SPEF2: variants seen among roughly 807,000 people sequenced by gnomAD.
The protein encoded by SPEF2 is sperm flagellar and cilia associated 2.
In SPEF2, 187 loss-of-function variants were observed where a neutral mutation model predicts 224.6. That is an observed-to-expected ratio of 0.83 (90% confidence interval 0.74 to 0.94). SPEF2 has a LOEUF of 0.94. Among genes scored for constraint, SPEF2 ranks in the 40% least tolerant of loss-of-function variants. The pLI is 0.00. For missense variants in SPEF2, 2,170 were observed against 2,135.6 expected, an observed-to-expected ratio of 1.02 and a Z score of -0.32; for synonymous variants, 715 against 707.3, an observed-to-expected ratio of 1.01 and a Z score of -0.17.
At chr5:35,771,518 G>A (rs1752854643) in intron 26 of SPEF2, 91 bp from the exon 27 acceptor site, 2 of 1,478,608 alleles carry the variant, frequency 1.4e-6, no homozygotes, top group African/African-American at 2.8e-5. Flanking sequence ...GTGGATTAAG[G>A]TTTCAACAGA....
intron 2 of SPEF2, among the ~76,000 whole-genome samples, chr5:35,633,573 C>T (rs1226392894): frequency 2.0e-5 from 3 of 151,826 alleles, no homozygotes; most frequent in Non-Finnish European, 4.4e-5. Flanking sequence ...ATTGTATATT[C>T]TGTCAATTCC....
intron 4 of SPEF2, among the ~76,000 whole-genome samples, chr5:35,644,854 C>CA (rs1196812529): frequency 6.6e-6 from 1 of 152,284 alleles, no homozygotes; most frequent in African/African-American, 2.4e-5. Context: ...CCCCATTGGT[C>CA]AAAGGCACAT....
rs748316372 is a variant in SPEF2, at chr5:35,740,286, A to G, written c.3330+19A>G. Reference sequence around the variant, plus strand: ...AGTGAATGTAAGGAAATAGTGACCTATTGGGACAGGGTTAGCTGGCTTTCA... The same window carrying G: ...AGTGAATGTAAGGAAATAGTGACCTGTTGGGACAGGGTTAGCTGGCTTTCA... On this transcript the variant is annotated intron_variant, in intron 23 of 36. Transcript: ENST00000356031. 9.9e-6 allele frequency: 16 copies of G among 1,613,432 alleles called. No homozygotes were observed. The South Asian group carries it at 1.8e-4, about 18-fold the overall frequency.
chr5:35,676,299 A>G (rs1479873881), intron 10 of SPEF2, among the ~76,000 whole-genome samples: 3 of 150,692 alleles, frequency 2.0e-5, no homozygotes, highest in Non-Finnish European at 4.4e-5. Context: ...GCTTTCTACT[A>G]CTGAGTTTTG....
intron 30 of SPEF2, chr5:35,790,404 C>A: frequency 2.1e-6 from 1 of 482,556 alleles, no homozygotes; most frequent in South Asian, 4.3e-5. Context: ...TGTTGCTTAG[C>A]AATGTAGCTC....
chr5:35,643,431 G>A (rs1746880144), intron 3 of SPEF2: 1 of 453,848 alleles, frequency 2.2e-6, no homozygotes, highest in African/African-American at 2.0e-5. Flanking sequence ...TTCAAGAAAT[G>A]TGGAGGTAAA....
chr5:35,789,224 GC>G, intron 30 of SPEF2: 1 of 702,992 alleles, frequency 1.4e-6, no homozygotes, highest in Non-Finnish European at 2.6e-6. Flanking sequence ...CCTTCTCCAA[GC>G]TGACATTGTT....
intron 20 of SPEF2, among the ~76,000 whole-genome samples, chr5:35,727,275 C>A (rs1037414144): frequency 6.6e-6 from 1 of 152,128 alleles, no homozygotes; most frequent in Non-Finnish European, 1.5e-5. Flanking sequence ...CAAGGGATAC[C>A]AAGAGCACCA....
intron 15 of SPEF2, 53 bp from the exon 16 acceptor site, chr5:35,700,443 C>A: frequency 6.6e-7 from 1 of 1,503,974 alleles, no homozygotes. Context: ...CATAGTATTT[C>A]CAAAGTACTT....
chr5:35,712,157 C>T (rs902972144), intron 19 of SPEF2, among the ~76,000 whole-genome samples: 1 of 152,048 alleles, frequency 6.6e-6, no homozygotes, highest in African/African-American at 2.4e-5. Context: ...AAGAGTGTGA[C>T]CAAGAGAAGT....
intron 26 of SPEF2, among the ~76,000 whole-genome samples, chr5:35,769,479 C>T (rs1752503751): frequency 6.6e-6 from 1 of 152,044 alleles, no homozygotes; most frequent in Admixed American, 6.6e-5. Flanking sequence ...CTGTATTCCT[C>T]CAAGATTCTA....
At chr5:35,755,426 T>A (rs911296212) in intron 24 of SPEF2, among the ~76,000 whole-genome samples, 1 of 152,172 alleles carries the variant, frequency 6.6e-6, no homozygotes, top group Non-Finnish European at 1.5e-5. Context: ...AATACATACC[T>A]CCTTTGGAAA....
At chr5:35,765,976 T>C (rs1752036357) in intron 26 of SPEF2, among the ~76,000 whole-genome samples, 1 of 152,110 alleles carries the variant, frequency 6.6e-6, no homozygotes, top group Non-Finnish European at 1.5e-5. Context: ...CTGGAGTAAG[T>C]CCAACATTTT....
chr5:35,795,946 C>T (rs900611111), intron 33 of SPEF2, 151 bp downstream of exon 33: 11 of 686,110 alleles, frequency 1.6e-5, no homozygotes, highest in Non-Finnish European at 2.7e-5. Flanking sequence ...AGTTAGCTCA[C>T]TAAGGAGGCA....
chr5:35,742,523 A>G (rs753896484), intron 23 of SPEF2, among the ~76,000 whole-genome samples: 1 of 152,022 alleles, frequency 6.6e-6, no homozygotes, highest in African/African-American at 2.4e-5. Flanking sequence ...TTAGATTTAT[A>G]TCAAATATTA....
At chr5:35,724,183 T>C (rs1273924696) in intron 20 of SPEF2, among the ~76,000 whole-genome samples, 1 of 152,158 alleles carries the variant, frequency 6.6e-6, no homozygotes, top group Non-Finnish European at 1.5e-5. Flanking sequence ...TGTTAACCTA[T>C]GAGAAGAAAA....
chr5:35,697,094 T>C (rs968089008), intron 14 of SPEF2, among the ~76,000 whole-genome samples: 4 of 152,152 alleles, frequency 2.6e-5, no homozygotes, highest in African/African-American at 4.8e-5. Context: ...GCCATACCAT[T>C]TGACATAAAA....
At chr5:35,770,784 A>G (rs1407274984) in intron 26 of SPEF2, among the ~76,000 whole-genome samples, 2 of 152,180 alleles carry the variant, frequency 1.3e-5, no homozygotes, top group Non-Finnish European at 2.9e-5. Context: ...GAGCTTCTCC[A>G]TTCAGCACTT....
intron 30 of SPEF2, among the ~76,000 whole-genome samples, chr5:35,783,137 C>T (rs1754580122): frequency 6.6e-6 from 1 of 152,172 alleles, no homozygotes; most frequent in Non-Finnish European, 1.5e-5. Flanking sequence ...AGAGTTAGAT[C>T]TAGTGAATAT....
Sources: gnomAD v4.1 joint callset for allele counts (sites outside exome capture counted in the v4.1 genomes callset) on GRCh38, gnomAD v4.1.1 for gene constraint, MANE v1.5 for transcripts, NCBI Gene and HGNC (gene_info 2026-07-23, HGNC 2026-07-21) for gene names.